DAB2IP: variants seen among roughly 807,000 people sequenced by gnomAD.
DAB2IP encodes the protein DAB2 interacting protein.
A neutral mutation model predicts 107.2 loss-of-function variants in DAB2IP; 28 were observed. That is an observed-to-expected ratio of 0.26 (90% CI 0.19 to 0.36). The LOEUF (loss-of-function observed/expected upper bound fraction) is 0.36. DAB2IP is among the 10% of genes least tolerant of loss of function. The probability of loss-of-function intolerance (pLI) is 1.00; values close to 1 mark genes in which losing one functional copy is unlikely to be tolerated. For missense variants in DAB2IP, 1,400 were observed against 1,644.7 expected, an observed-to-expected ratio of 0.85 and a Z score of 2.57; for synonymous variants, 755 against 706.4, an observed-to-expected ratio of 1.07 and a Z score of -1.09.
In DAB2IP at chr9:121,651,640, G is replaced by A; in HGVS notation, c.-136G>A. 9.4e-7 allele frequency: 1 copy of A among 1,066,410 alleles called. No homozygotes were observed. The highest frequency in any genetic ancestry group is 1.1e-6 in the Non-Finnish European group (1 of 883,698). The allele number at this position is 1,066,410 out of a possible 1,614,324, so 66.1% of individuals were successfully genotyped here. On this transcript the variant is annotated 5_prime_UTR_variant, in exon 1 of 16. It adds an upstream start codon to the 5' untranslated region. Transcript: ENST00000408936. This position sits in a 1 kb window ranked among gnomAD's most constrained non-coding sequence, Gnocchi z 5.1. ...GCGGAGGAGGAGTTTGAGCGACTTT[G>A]TGGGGCAGCCAGGGCCTCGGCGGCC... is the stretch of plus-strand genomic sequence containing the variant.
intron 1 of DAB2IP, among the ~76,000 whole-genome samples, chr9:121,595,297 A>T (rs1191474617): frequency 6.6e-6 from 1 of 152,020 alleles, no homozygotes; most frequent in Non-Finnish European, 1.5e-5. Flanking sequence ...ATCCTGGTCA[A>T]GAAATAAAAC....
chr9:121,646,331 G>T (rs1377847583), intron 1 of DAB2IP, among the ~76,000 whole-genome samples: 1 of 152,162 alleles, frequency 6.6e-6, no homozygotes, highest in Non-Finnish European at 1.5e-5. Context: ...CCTGAATGGG[G>T]TGACCTGGCC....
chr9:121,768,662 G>A, intron 10 of DAB2IP, 29 bp downstream of exon 10: 2 of 1,610,350 alleles, frequency 1.2e-6, no homozygotes, highest in Middle Eastern at 2.0e-4. Flanking sequence ...CGGAGGTGGG[G>A]CCAAAAGCTG....
chr9:121,670,155 T>A (rs1034703273), intron 1 of DAB2IP, among the ~76,000 whole-genome samples: 1 of 152,230 alleles, frequency 6.6e-6, no homozygotes, highest in Admixed American at 6.5e-5. Context: ...GAATGCCACG[T>A]ACATGGAATC....
At chr9:121,779,404 TTC>T (rs1835434281) in intron 14 of DAB2IP, among the ~76,000 whole-genome samples, 1 of 152,252 alleles carries the variant, frequency 6.6e-6, no homozygotes, top group African/African-American at 2.4e-5. Flanking sequence ...GTTTTCCTAC[TTC>T]TCTCTGTATA....
At chr9:121,614,550 A>G (rs1831207412) in intron 1 of DAB2IP, among the ~76,000 whole-genome samples, 2 of 151,270 alleles carry the variant, frequency 1.3e-5, no homozygotes, top group Non-Finnish European at 2.9e-5. Flanking sequence ...TATGTTGGCC[A>G]TGCTGGTCTC....
At chr9:121,774,059 C>T (rs1834992755) in intron 12 of DAB2IP, among the ~76,000 whole-genome samples, 1 of 152,220 alleles carries the variant, frequency 6.6e-6, no homozygotes, top group East Asian at 1.9e-4. Flanking sequence ...CCACCTGGCA[C>T]CTGTCAGCTC....
chr9:121,614,482 A>G (rs1012321774), intron 1 of DAB2IP, among the ~76,000 whole-genome samples: 1 of 151,122 alleles, frequency 6.6e-6, no homozygotes, highest in African/African-American at 2.4e-5. Context: ...CTGGGATTAC[A>G]GGCATGTGCC....
upstream of DAB2IP, among the ~76,000 whole-genome samples, chr9:121,647,551 C>T (rs959919891): frequency 9.9e-5 from 15 of 152,180 alleles, no homozygotes; most frequent in South Asian, 2.1e-4. Flanking sequence ...TCTTTTCCAG[C>T]AGGGATGCTG....
chr9:121,690,572 C>G (rs1175487626), intron 2 of DAB2IP, among the ~76,000 whole-genome samples: 1 of 152,162 alleles, frequency 6.6e-6, no homozygotes, highest in Non-Finnish European at 1.5e-5. Flanking sequence ...CCTGGCTGCT[C>G]TGGGTTGTCA....
intron 1 of DAB2IP, among the ~76,000 whole-genome samples, chr9:121,617,030 G>T (rs920820791): frequency 2.0e-5 from 3 of 152,142 alleles, no homozygotes; most frequent in Non-Finnish European, 4.4e-5. Context: ...TATCTGTTCC[G>T]TGAATAAAAA....
chr9:121,613,106 CTG>C (rs1343494656), intron 1 of DAB2IP, among the ~76,000 whole-genome samples: 1 of 152,250 alleles, frequency 6.6e-6, no homozygotes, highest in Non-Finnish European at 1.5e-5. Context: ...AGAGTTGAGT[CTG>C]TCACTTCCCA....
At chr9:121,708,710 A>G (rs897096236) in intron 3 of DAB2IP, among the ~76,000 whole-genome samples, 3 of 152,236 alleles carry the variant, frequency 2.0e-5, no homozygotes, top group African/African-American at 7.2e-5. Context: ...CCATTTACTT[A>G]GGATTGAGCG....
intron 1 of DAB2IP, among the ~76,000 whole-genome samples, chr9:121,582,988 G>C (rs972997188): frequency 6.6e-6 from 1 of 152,218 alleles, no homozygotes; most frequent in African/African-American, 2.4e-5. Context: ...CTTAGGCTTG[G>C]GACAGAAAGC....
intron 1 of DAB2IP, among the ~76,000 whole-genome samples, chr9:121,639,194 G>A (rs1376331816): frequency 6.6e-6 from 1 of 152,224 alleles, no homozygotes; most frequent in Admixed American, 6.5e-5. Context: ...GACACTGCCT[G>A]ACAAAGGGGA....
intron 1 of DAB2IP, among the ~76,000 whole-genome samples, chr9:121,570,765 C>T (rs1027422701): frequency 1.3e-5 from 2 of 152,164 alleles, no homozygotes; most frequent in African/African-American, 4.8e-5. Flanking sequence ...CCAGGCTGGT[C>T]TCAAACTCCT....
intron 1 of DAB2IP, among the ~76,000 whole-genome samples, chr9:121,637,553 C>T (rs556798272): frequency 6.6e-6 from 1 of 152,296 alleles, no homozygotes; most frequent in East Asian, 1.9e-4. Flanking sequence ...ACGTCTCAGC[C>T]AATGGTCTCT....
chr9:121,676,696 G>GAGA lies in DAB2IP; in HGVS notation c.125-1981_125-1979dup, dbSNP rs532325793. Among the ~76,000 whole-genome samples the GAGA allele has an allele frequency of 1.9e-4, 29 of 149,358 alleles. 1 individual carries two copies. The highest frequency in any genetic ancestry group is 1.9e-3 in the Admixed American group (28 of 15,084). On this transcript the variant is annotated intron_variant, in intron 1 of 15. Coordinates refer to ENST00000408936, the Ensembl canonical transcript of DAB2IP. ...ACACTGCAAATGAGAGCGTTGATAG[G>GAGA]AGACTCAGGTCTAGTTATTGCTGTA...
intron 3 of DAB2IP, among the ~76,000 whole-genome samples, chr9:121,732,310 T>C (rs1001617159): frequency 6.6e-6 from 1 of 152,224 alleles, no homozygotes; most frequent in African/African-American, 2.4e-5. Flanking sequence ...TTACTCCCAC[T>C]AAATGTTTTG....
Sources: gnomAD v4.1 joint callset for allele counts (sites outside exome capture counted in the v4.1 genomes callset) on GRCh38, gnomAD v4.1.1 for gene constraint, Gnocchi (gnomAD v3.1) non-coding constraint, MANE v1.5 for transcripts, NCBI Gene and HGNC (gene_info 2026-07-23, HGNC 2026-07-21) for gene names.